The following GJB7 variants were observed in gnomAD, a reference collection of about 807,000 sequenced individuals.
GJB7 encodes gap junction protein beta 7.
For synonymous variants in GJB7, 87 were observed against 95.2 expected, an observed-to-expected ratio of 0.91 and a Z score of 0.50; for missense variants, 253 against 256.8, an observed-to-expected ratio of 0.99 and a Z score of 0.10.
In GJB7 at chr6:87,323,632, A is replaced by C. The variant is rs559247129; in HGVS notation, c.-205-589T>G. 6.9e-3 allele frequency among the ~76,000 whole-genome samples: 1,052 copies of C among 152,128 alleles called. 4 individuals are homozygous for C. The highest frequency in any genetic ancestry group is 0.01 in the Non-Finnish European group (684 of 67,982). On this transcript the variant is annotated intron_variant, in intron 1 of 2. Coordinates refer to ENST00000525899, the MANE Select transcript of GJB7 (RefSeq NM_198568.3). ...TCATTTTTTATGGCTGCATAGTATT[A>C]CATGGTGTATATGTGCCACATTTTC...
intron 2 of GJB7, among the ~76,000 whole-genome samples, chr6:87,289,136 A>C (rs1046653328): frequency 6.6e-6 from 1 of 152,058 alleles, no homozygotes; most frequent in African/African-American, 2.4e-5. Context: ...TCCTTCCTTC[A>C]GTTTCTCCTT....
chr6:87,324,795 A>C (rs1776774804), intron 1 of GJB7, among the ~76,000 whole-genome samples: 2 of 152,212 alleles, frequency 1.3e-5, no homozygotes, highest in African/African-American at 4.8e-5. Context: ...AGCTTTTTCC[A>C]ATTCTATGAA....
In GJB7 at chr6:87,325,625, C is replaced by A. The variant is rs559940909; in HGVS notation, c.-205-2582G>T. ...ATCCCAGGGATGAAGCCCACTTGAT[C>A]ATGGTGGATAAGCTTTTTGATGTGC... On this transcript the variant is annotated intron_variant, in intron 1 of 2. Transcript: ENST00000525899. 4.5e-4 allele frequency among the ~76,000 whole-genome samples: 68 copies of A among 151,250 alleles called. No individual in the cohort carries two copies. The Middle Eastern group carries it at 0.01, about 23-fold the overall frequency.
chr6:87,287,844 G>A (rs563864880), intron 2 of GJB7, among the ~76,000 whole-genome samples: 1 of 152,270 alleles, frequency 6.6e-6, no homozygotes, highest in South Asian at 2.1e-4. Flanking sequence ...ATAATCAGAG[G>A]ATGATGGCAT....
At chr6:87,286,901 A>G (rs1000309868) in intron 2 of GJB7, among the ~76,000 whole-genome samples, 1 of 152,210 alleles carries the variant, frequency 6.6e-6, no homozygotes, top group African/African-American at 2.4e-5. Flanking sequence ...CTCAAGTCTA[A>G]TTTCCATTAA....
At chr6:87,298,210 A>G (rs1335718607) in intron 2 of GJB7, among the ~76,000 whole-genome samples, 1 of 152,250 alleles carries the variant, frequency 6.6e-6, no homozygotes, top group Non-Finnish European at 1.5e-5. Flanking sequence ...AAGGCATCAG[A>G]GAGCCACCAG....
intron 2 of GJB7, among the ~76,000 whole-genome samples, chr6:87,286,233 T>A (rs1776057884): frequency 6.6e-6 from 1 of 152,178 alleles, no homozygotes; most frequent in Non-Finnish European, 1.5e-5. Flanking sequence ...CCACAAGAAT[T>A]CTGAACTTGA....
intron 2 of GJB7, chr6:87,299,979 G>T: frequency 3.0e-6 from 1 of 332,892 alleles, no homozygotes; most frequent in Middle Eastern, 9.8e-4. Context: ...AAGGCTGGTG[G>T]GACAAGTGAT....
chr6:87,291,399 T>G (rs1776171144), intron 2 of GJB7, among the ~76,000 whole-genome samples: 1 of 152,188 alleles, frequency 6.6e-6, no homozygotes, highest in Admixed American at 6.5e-5. Flanking sequence ...GGCCAACACA[T>G]GTGCATACAC....
intron 2 of GJB7, among the ~76,000 whole-genome samples, chr6:87,312,437 C>T (rs530744298): frequency 1.3e-5 from 2 of 149,690 alleles, no homozygotes; most frequent in East Asian, 4.0e-4. Flanking sequence ...CTTGAACTCG[C>T]GAGGCGGAGG....
chr6:87,287,000 A>T (rs1306731096), intron 2 of GJB7, among the ~76,000 whole-genome samples: 2 of 152,194 alleles, frequency 1.3e-5, no homozygotes. Flanking sequence ...CATTGTAGGA[A>T]GTTTAGTAGC....
intron 2 of GJB7, among the ~76,000 whole-genome samples, chr6:87,288,928 C>T (rs1056923686): frequency 2.0e-5 from 3 of 152,190 alleles, no homozygotes; most frequent in Non-Finnish European, 2.9e-5. Context: ...AACCCATTAT[C>T]CATTCAGATT....
chr6:87,323,834 C>T (rs1776743605), intron 1 of GJB7, among the ~76,000 whole-genome samples: 1 of 151,976 alleles, frequency 6.6e-6, no homozygotes, highest in Non-Finnish European at 1.5e-5. Flanking sequence ...GTTCTAGATC[C>T]CTGAGGAATC....
intron 2 of GJB7, among the ~76,000 whole-genome samples, chr6:87,312,362 A>C (rs1776521648): frequency 6.6e-6 from 1 of 152,020 alleles, no homozygotes; most frequent in Non-Finnish European, 1.5e-5. Flanking sequence ...AAATACAAAA[A>C]TTAGCCAGGC....
At chr6:87,328,855 C>T (rs936273786) in intron 1 of GJB7, among the ~76,000 whole-genome samples, 1 of 152,222 alleles carries the variant, frequency 6.6e-6, no homozygotes. Context: ...CCCAGCCTCA[C>T]TGCCGCCTTG....
chr6:87,293,462 GTTTTT>G (rs567613574), intron 2 of GJB7, among the ~76,000 whole-genome samples: 3 of 146,524 alleles, frequency 2.0e-5, no homozygotes, highest in Non-Finnish European at 4.5e-5. Flanking sequence ...TTTTGTTTTT[GTTTTT>G]TTTTTACAGA....
chr6:87,328,741 A>G (rs1025236639), intron 1 of GJB7, among the ~76,000 whole-genome samples: 3 of 152,226 alleles, frequency 2.0e-5, no homozygotes, highest in South Asian at 4.1e-4. Flanking sequence ...TGGAGCCTAC[A>G]GAGGCAGGCA....
In GJB7 at chr6:87,284,151, A is replaced by C; in HGVS notation, c.*90T>G. On this transcript the variant is annotated 3_prime_UTR_variant, in exon 3 of 3. Transcript: ENST00000525899. Reference sequence around the variant, plus strand: ...CACAGAGTAGCTTTGCTTCAGGTAGAGGGAGTGTGTTTATGGCCAAGTGTG... The same window carrying C: ...CACAGAGTAGCTTTGCTTCAGGTAGCGGGAGTGTGTTTATGGCCAAGTGTG... 3 of 1,018,330 alleles carry C rather than the reference A, an allele frequency of 2.9e-6. No homozygotes were observed. The highest frequency in any genetic ancestry group is 4.4e-6 in the Non-Finnish European group (3 of 678,374). 63.1% of individuals were successfully genotyped at this position (1,018,330 alleles called of 1,614,324 possible).
At chr6:87,311,682 A>T (rs1341286115) in intron 2 of GJB7, among the ~76,000 whole-genome samples, 1 of 152,212 alleles carries the variant, frequency 6.6e-6, no homozygotes, top group Non-Finnish European at 1.5e-5. Context: ...TATTGTCCTG[A>T]TTAAGTGAGC....
Sources: gnomAD v4.1 joint callset for allele counts (sites outside exome capture counted in the v4.1 genomes callset) on GRCh38, gnomAD v4.1.1 for gene constraint, MANE v1.5 for transcripts, NCBI Gene and HGNC (gene_info 2026-07-23, HGNC 2026-07-21) for gene names.